The following IL1RAPL2 variants were observed in gnomAD, a reference collection of about 807,000 sequenced individuals.
The protein encoded by IL1RAPL2 is interleukin 1 receptor accessory protein like 2.
A neutral mutation model predicts 44.1 loss-of-function variants in IL1RAPL2; 3 were observed. The ratio of observed to expected loss-of-function variants is 0.07; its 90% CI spans 0.03 to 0.18. IL1RAPL2 has a LOEUF of 0.18. Ranked by LOEUF, IL1RAPL2 falls within the 10% of genes least tolerant of loss-of-function variation. The pLI is 1.00. For missense variants in IL1RAPL2, 391 were observed against 496.4 expected, an observed-to-expected ratio of 0.79 and a Z score of 2.02; for synonymous variants, 181 against 178.8, an observed-to-expected ratio of 1.01 and a Z score of -0.10.
At chrX:104,652,525 T>C (rs1222604890) in intron 1 of IL1RAPL2, among the ~76,000 whole-genome samples, 2 of 112,094 alleles carry the variant, frequency 1.8e-5, no homozygotes, top group Non-Finnish European at 3.8e-5. Context: ...ATAAAACAGT[T>C]AGTGACCAAG....
intron 2 of IL1RAPL2, among the ~76,000 whole-genome samples, chrX:104,956,626 G>T (rs1469773160): frequency 9.0e-6 from 1 of 110,698 alleles, no homozygotes; most frequent in Non-Finnish European, 1.9e-5. Flanking sequence ...GACAGAGTGA[G>T]ACTCCATCTC....
At chrX:104,849,987 A>G (rs1328936495) in intron 2 of IL1RAPL2, among the ~76,000 whole-genome samples, 1 of 111,518 alleles carries the variant, frequency 9.0e-6, no homozygotes, top group African/African-American at 3.3e-5. Flanking sequence ...GTATATATAC[A>G]CAAAAGATCC....
At chrX:105,594,741 G>A (rs755130163) in intron 6 of IL1RAPL2, among the ~76,000 whole-genome samples, 16 of 111,995 alleles carry the variant, frequency 1.4e-4, no homozygotes, top group South Asian at 3.7e-4. Flanking sequence ...GCAGCAACAT[G>A]GATGCAGCTG....
chrX:105,549,140 C>T (rs1378194984), intron 6 of IL1RAPL2, among the ~76,000 whole-genome samples: 3 of 111,382 alleles, frequency 2.7e-5, no homozygotes, highest in Non-Finnish European at 5.7e-5. Context: ...TATTTATTTC[C>T]TGATGTGCAC....
chrX:105,439,905 C>T (rs1228693551), intron 5 of IL1RAPL2, among the ~76,000 whole-genome samples: 1 of 111,978 alleles, frequency 8.9e-6, no homozygotes, highest in African/African-American at 3.3e-5. Context: ...CAAGAGTCCG[C>T]AGGTATATTT....
At chrX:104,803,046 A>G (rs1333029775) in intron 2 of IL1RAPL2, among the ~76,000 whole-genome samples, 1 of 111,953 alleles carries the variant, frequency 8.9e-6, no homozygotes, top group Admixed American at 9.5e-5. Context: ...TTATTTACAA[A>G]CACTTGGGAT....
At chrX:105,195,434 A>G in intron 2 of IL1RAPL2, 41 bp from the exon 3 acceptor site, 1 of 1,182,796 alleles carries the variant, frequency 8.5e-7, no homozygotes, top group African/African-American at 1.7e-5. Flanking sequence ...TAGTGTCAAC[A>G]ATGCTCACTG....
At chrX:104,642,189 C>T (rs1569287907) in intron 1 of IL1RAPL2, among the ~76,000 whole-genome samples, 2 of 111,798 alleles carry the variant, frequency 1.8e-5, no homozygotes. Context: ...TTTGATGTTT[C>T]TTGTCACTTC....
At chrX:105,151,995 G>A (rs1475470589) in intron 2 of IL1RAPL2, among the ~76,000 whole-genome samples, 1 of 110,592 alleles carries the variant, frequency 9.0e-6, no homozygotes, top group Non-Finnish European at 1.9e-5. Context: ...TGGGGACTTG[G>A]GGGAGAGGGT....
At chrX:105,060,423 G>A (rs775219955) in intron 2 of IL1RAPL2, among the ~76,000 whole-genome samples, 26 of 111,584 alleles carry the variant, frequency 2.3e-4, no homozygotes, top group African/African-American at 8.1e-4. Flanking sequence ...AGCTTTTGCT[G>A]AAACATCCTT....
At chrX:105,525,070 A>G (rs549663517) in intron 6 of IL1RAPL2, among the ~76,000 whole-genome samples, 2 of 111,082 alleles carry the variant, frequency 1.8e-5, no homozygotes, top group East Asian at 2.8e-4. Context: ...TCACATTGTG[A>G]CCCACTTGAT....
intron 6 of IL1RAPL2, among the ~76,000 whole-genome samples, chrX:105,703,992 C>T (rs1453752423): frequency 8.9e-6 from 1 of 111,821 alleles, no homozygotes; most frequent in East Asian, 2.8e-4. Context: ...TAGTTTAGTT[C>T]ATTAATTTAG....
Position 105,092,367 on chromosome X carries a change from C to G in IL1RAPL2, c.83-103108C>G, listed in dbSNP as rs765717724. Among the ~76,000 whole-genome samples the G allele has an allele frequency of 6.3e-5, 7 of 111,259 alleles. No homozygotes were observed. In the South Asian group the frequency reaches 1.2e-3, roughly 19 times the overall value. ...GGAAATGATACAAATTAAAATCAAC[C>G]AAGGGAAGAAGCACATATACCAGAA... On this transcript the variant is annotated intron_variant, in intron 2 of 10. Coordinates refer to ENST00000372582, the MANE Select transcript of IL1RAPL2 (RefSeq NM_017416.2).
rs35769134 is a variant in IL1RAPL2, at chrX:104,599,650, GCACACACACACACACACA to G, written c.-20+32627_-20+32644del. On this transcript the variant is annotated intron_variant, in intron 1 of 10. Transcript: ENST00000372582. Reference sequence around the variant, plus strand: ...GAAAAGGAAACTTTTGATGGATTTAGCACACACACACACACACACACACACACACACACACACACACAC... The same window carrying G: ...GAAAAGGAAACTTTTGATGGATTTAGCACACACACACACACACACACACAC... Among the ~76,000 whole-genome samples the G allele has an allele frequency of 2.5e-3, 218 of 86,167 alleles. 2 individuals carry two copies. The highest frequency in any genetic ancestry group is 6.0e-3 in the Middle Eastern group (1 of 166). 74.8% of individuals were successfully genotyped at this position (86,167 alleles called of 115,157 possible). A position where few individuals can be genotyped will look rare whatever the true frequency, so the allele number is the denominator to read the frequency against.
intron 5 of IL1RAPL2, among the ~76,000 whole-genome samples, chrX:105,296,906 A>T (rs774301504): frequency 8.9e-6 from 1 of 112,644 alleles, no homozygotes; most frequent in East Asian, 2.8e-4. Context: ...GCAGATACTT[A>T]TTGAGTCCTT....
chrX:105,030,604 T>C (rs1462099008), intron 2 of IL1RAPL2, among the ~76,000 whole-genome samples: 2 of 111,944 alleles, frequency 1.8e-5, no homozygotes, highest in African/African-American at 6.5e-5. Flanking sequence ...CATTGATCTA[T>C]ATCTCTGTTT....
Position 105,767,155 on chromosome X carries a change from C to A in IL1RAPL2, c.1555C>A (p.Gln519Lys). The change falls in exon 11 of 11, where the codon CAG becomes AAG. Residue 519 changes from glutamine (Q) to lysine (K), a missense_variant. This residue lies in a region of IL1RAPL2 where 232 missense variants were observed against 244.8 expected (regional missense o/e 0.95). Coordinates refer to ENST00000372582, the MANE Select transcript of IL1RAPL2 (RefSeq NM_017416.2). The part of the protein sequence containing the change: ...CTELKGKVNC[Q>K]EVESLKRSIK... ...AGAATTAAAAGGGAAAGTGAATTGC[C>A]AGGAAGTGGAATCACTAAAGCGTAG... The A allele has an allele frequency of 8.3e-7, 1 of 1,210,509 alleles. No individual in the cohort carries two copies. Among genetic ancestry groups the A allele is most frequent in the Non-Finnish European group, 1.1e-6 (1 of 894,526 alleles).
At chrX:105,169,492 C>CTTTCTTT (rs2033404019) in intron 2 of IL1RAPL2, among the ~76,000 whole-genome samples, 1 of 41,587 alleles carries the variant, frequency 2.4e-5, no homozygotes, top group African/African-American at 1.4e-4. Context: ...TTCTTTCTTT[C>CTTTCTTT]TTTTTTTTTT....
At chrX:104,817,164 C>T (rs1921159394) in intron 2 of IL1RAPL2, among the ~76,000 whole-genome samples, 3 of 112,656 alleles carry the variant, frequency 2.7e-5, no homozygotes. Flanking sequence ...TCTTCTTGGC[C>T]TCTCTGAGCA....
Sources: gnomAD v4.1 joint callset for allele counts (sites outside exome capture counted in the v4.1 genomes callset) on GRCh38, gnomAD v4.1.1 for gene constraint, gnomAD v4.1.1 regional missense constraint, MANE v1.5 for transcripts, NCBI Gene and HGNC (gene_info 2026-07-23, HGNC 2026-07-21) for gene names.